Variants in PKIG observed in about 807,000 individuals in gnomAD.
PKIG encodes protein kinase (cAMP-dependent, catalytic) inhibitor gamma.
A neutral mutation model predicts 6.8 loss-of-function variants in PKIG; 1 was observed. The ratio of observed to expected loss-of-function variants is 0.15; its 90% CI spans 0.05 to 0.69. The LOEUF is 0.69. Among genes scored for constraint, PKIG ranks in the 30% least tolerant of loss-of-function variants. The probability of loss-of-function intolerance (pLI) is 0.82; values close to 1 mark genes in which losing one functional copy is unlikely to be tolerated. For synonymous variants in PKIG, 39 were observed against 43.0 expected (o/e 0.91, Z 0.36); for missense variants, 77 against 104.0 (o/e 0.74, Z 1.13).
intron 1 of PKIG, among the ~76,000 whole-genome samples, chr20:44,543,096 C>G (rs2064577157): frequency 6.6e-6 from 1 of 152,164 alleles, no homozygotes; most frequent in South Asian, 2.1e-4. Context: ...CACATCTTGG[C>G]CCAGGCACTT....
chr20:44,568,414 G>A (rs1290536589), intron 1 of PKIG, among the ~76,000 whole-genome samples: 4 of 150,710 alleles, frequency 2.7e-5, no homozygotes, highest in South Asian at 2.1e-4. Flanking sequence ...TCTACTTTCC[G>A]TTTTACAGAC....
At chr20:44,566,181 T>G (rs774802592) in intron 1 of PKIG, among the ~76,000 whole-genome samples, 11 of 152,212 alleles carry the variant, frequency 7.2e-5, no homozygotes, top group Non-Finnish European at 2.9e-5. Flanking sequence ...TGCCACTTGT[T>G]TTTGTAAATA....
chr20:44,567,158 C>G (rs764077822), intron 1 of PKIG, among the ~76,000 whole-genome samples: 1 of 152,204 alleles, frequency 6.6e-6, no homozygotes, highest in Non-Finnish European at 1.5e-5. Context: ...CTAGTGCTAC[C>G]TAGATGGCAG....
At chr20:44,556,680 G>GA (rs2064716556) in intron 1 of PKIG, among the ~76,000 whole-genome samples, 1 of 151,920 alleles carries the variant, frequency 6.6e-6, no homozygotes, top group East Asian at 1.9e-4. Context: ...GTAAGTTAAT[G>GA]AAGATCTGTA....
upstream of PKIG, among the ~76,000 whole-genome samples, chr20:44,580,203 G>A (rs921987184): frequency 2.0e-5 from 3 of 152,142 alleles, no homozygotes; most frequent in Non-Finnish European, 2.9e-5. Flanking sequence ...GAGTAAGGCT[G>A]TTATTCTTCT....
intron 1 of PKIG, among the ~76,000 whole-genome samples, chr20:44,562,446 A>G (rs1307063091): frequency 6.6e-6 from 1 of 151,938 alleles, no homozygotes; most frequent in Non-Finnish European, 1.5e-5. Flanking sequence ...CGCCATCTCT[A>G]CAAAAATTAG....
In PKIG at chr20:44,607,685, A is replaced by AT. The variant is rs146383327; in HGVS notation, c.-23-6832dup. Among the ~76,000 whole-genome samples the AT allele has an allele frequency of 6.2e-3, 752 of 120,712 alleles. 4 individuals carry two copies. The highest frequency in any genetic ancestry group is 0.013 in the African/African-American group (419 of 31,670). 79.2% of individuals were successfully genotyped at this position (120,712 alleles called of 152,430 possible). On this transcript the variant is annotated intron_variant, in intron 2 of 3. Transcript: ENST00000372886. ...GAAAAAAAGGCAAGATGGAAAATAA[A>AT]TTTTTTTTTTTTTTTTTGAGACGGA... is the stretch of plus-strand genomic sequence containing the variant.
intron 1 of PKIG, among the ~76,000 whole-genome samples, chr20:44,584,332 CAACTT>C (rs200729909): frequency 0.023 from 3,427 of 152,086 alleles, 178 homozygotes; most frequent in Admixed American, 0.14. Flanking sequence ...AAAGGAGACA[CAACTT>C]AATTTAAACT....
At chr20:44,534,393 A>G (rs1011630316) in intron 1 of PKIG, among the ~76,000 whole-genome samples, 1 of 152,174 alleles carries the variant, frequency 6.6e-6, no homozygotes, top group Non-Finnish European at 1.5e-5. Flanking sequence ...GTGTGGAAGG[A>G]AAGTCACAAT....
chr20:44,607,314 GGTGTGT>G (rs11472265), intron 2 of PKIG, among the ~76,000 whole-genome samples: 3 of 147,592 alleles, frequency 2.0e-5, no homozygotes, highest in African/African-American at 7.5e-5. Flanking sequence ...TTGTTTCCAA[GGTGTGT>G]GTGTGTGTGT....
intron 1 of PKIG, among the ~76,000 whole-genome samples, chr20:44,569,937 T>G (rs968224127): frequency 1.3e-5 from 2 of 152,220 alleles, no homozygotes; most frequent in Non-Finnish European, 2.9e-5. Context: ...GAGACCAGCC[T>G]GGCGACACAG....
At chr20:44,603,332 C>T (rs990888301) in intron 2 of PKIG, among the ~76,000 whole-genome samples, 26 of 152,206 alleles carry the variant, frequency 1.7e-4, no homozygotes, top group Admixed American at 1.4e-3. Context: ...TTCCCCATCA[C>T]TTACTACACT....
At position 44,614,479 on chromosome 20, in the gene PKIG, T is replaced by C; in HGVS notation, c.-23-55T>C. 7.5e-7 allele frequency: 1 copy of C among 1,331,682 alleles called. No individual in the cohort carries two copies. The highest frequency in any genetic ancestry group is 1.1e-6 in the Non-Finnish European group (1 of 941,992). The allele number at this position is 1,331,682 out of a possible 1,614,324, so 82.5% of individuals were successfully genotyped here. A position where few individuals can be genotyped will look rare whatever the true frequency, so the allele number is the denominator to read the frequency against. On this transcript the variant is annotated intron_variant, in intron 2 of 3. Coordinates refer to ENST00000372886, the MANE Select transcript of PKIG (RefSeq NM_001281445.2). The surrounding 1 kb of genome is among the most constrained non-coding windows in gnomAD (Gnocchi z 4.6). ...CTGTGCTGGGGAACTGGAGCTGTCCTCTCTGCAGAATGCATCTGGACTTAC... is the reference window on the plus strand; with the variant it reads ...CTGTGCTGGGGAACTGGAGCTGTCCCCTCTGCAGAATGCATCTGGACTTAC...
chr20:44,532,472 AAGG>A, intron 1 of PKIG, among the ~76,000 whole-genome samples: 3 of 152,260 alleles, frequency 2.0e-5, no homozygotes, highest in African/African-American at 7.2e-5. Flanking sequence ...CTACTACTAC[AAGG>A]AGGACCATCA....
At chr20:44,532,141 T>C (rs1375974408) in intron 1 of PKIG, among the ~76,000 whole-genome samples, 2 of 152,214 alleles carry the variant, frequency 1.3e-5, no homozygotes, top group Non-Finnish European at 2.9e-5. Context: ...CGACGCCCTT[T>C]GACCCCGCCC....
chr20:44,533,485 GC>G (rs890332641), intron 1 of PKIG, among the ~76,000 whole-genome samples: 6 of 152,214 alleles, frequency 3.9e-5, no homozygotes, highest in African/African-American at 1.4e-4. Context: ...GTGAAAGGGG[GC>G]GCATGTTAAG....
chr20:44,540,073 G>C (rs1008875896), intron 1 of PKIG, among the ~76,000 whole-genome samples: 1 of 152,060 alleles, frequency 6.6e-6, no homozygotes, highest in Non-Finnish European at 1.5e-5. Context: ...CTATTCTCCT[G>C]CCTCAGCCTC....
intron 1 of PKIG, among the ~76,000 whole-genome samples, chr20:44,541,228 T>C (rs964877770): frequency 1.3e-5 from 2 of 152,204 alleles, no homozygotes; most frequent in African/African-American, 4.8e-5. Flanking sequence ...CAGACTTTGA[T>C]TTATTTTTTA....
intron 1 of PKIG, among the ~76,000 whole-genome samples, chr20:44,583,070 C>T (rs961153469): frequency 6.6e-6 from 1 of 152,032 alleles, no homozygotes; most frequent in Non-Finnish European, 1.5e-5. Flanking sequence ...TTTGTAAAAC[C>T]CTTTCTTTTT....
Sources: gnomAD v4.1 joint callset for allele counts (sites outside exome capture counted in the v4.1 genomes callset) on GRCh38, gnomAD v4.1.1 for gene constraint, Gnocchi (gnomAD v3.1) non-coding constraint, MANE v1.5 for transcripts, NCBI Gene and HGNC (gene_info 2026-07-23, HGNC 2026-07-21) for gene names.